Variants in TRIM37 observed in about 807,000 individuals in gnomAD.
TRIM37 encodes tripartite motif containing 37.
A neutral mutation model predicts 129.8 loss-of-function variants in TRIM37; 80 were observed. The ratio of observed to expected loss-of-function variants is 0.62; its 90% CI spans 0.51 to 0.74. TRIM37 has a LOEUF of 0.74. Among genes scored for constraint, TRIM37 ranks in the 30% least tolerant of loss-of-function variants. The pLI, the probability that TRIM37 is intolerant of heterozygous loss-of-function variation, is 0.00. For missense variants in TRIM37, 1,054 were observed against 1,176.5 expected (o/e 0.90, Z 1.52); for synonymous variants, 389 against 387.1 (o/e 1.00, Z -0.06).
At chr17:59,001,482 G>T in intron 23 of TRIM37, 116 bp downstream of exon 23, 4 of 1,247,046 alleles carry the variant, frequency 3.2e-6, no homozygotes, top group Non-Finnish European at 4.5e-6. Flanking sequence ...AGTAGAAGCA[G>T]AAGAAGCAAA....
chr17:59,001,159 C>T, intron 23 of TRIM37, among the ~76,000 whole-genome samples: 1 of 146,418 alleles, frequency 6.8e-6, no homozygotes, highest in Non-Finnish European at 1.5e-5. Context: ...CACGCCACAG[C>T]ACTCCATCCT....
chr17:59,018,018 C>T (rs1416305629), intron 19 of TRIM37, among the ~76,000 whole-genome samples: 6 of 152,026 alleles, frequency 3.9e-5, no homozygotes, highest in South Asian at 4.1e-4. Context: ...ATATATAACC[C>T]GTCAAACATT....
intron 10 of TRIM37, among the ~76,000 whole-genome samples, chr17:59,063,882 C>T (rs772504625): frequency 2.0e-5 from 3 of 152,162 alleles, no homozygotes; most frequent in African/African-American, 4.8e-5. Context: ...GGCAGGGCAC[C>T]GTGGCTAATG....
At chr17:58,973,064 C>A in the TRIM37 span, 1 of 591,408 alleles carries the variant, frequency 1.7e-6, no homozygotes, top group South Asian at 2.1e-5. Context: ...AATTGGATAA[C>A]GTCTCTTTTA....
chr17:59,073,281 T>C (rs2042537864), intron 8 of TRIM37: 1 of 152,188 alleles, frequency 6.6e-6, no homozygotes, highest in Admixed American at 6.5e-5. Flanking sequence ...CCTACATTTT[T>C]CAGTTAATAT....
intron 16 of TRIM37, among the ~76,000 whole-genome samples, chr17:59,047,163 GAA>G (rs776978529): frequency 7.3e-6 from 1 of 137,256 alleles, no homozygotes; most frequent in East Asian, 2.1e-4. Context: ...AAAAAAAAAG[GAA>G]AAAAAAAAAA....
intron 21 of TRIM37, among the ~76,000 whole-genome samples, chr17:59,014,782 A>G (rs1267833367): frequency 1.3e-5 from 2 of 151,874 alleles, no homozygotes; most frequent in Non-Finnish European, 2.9e-5. Flanking sequence ...CAGAGTTCAG[A>G]TAAGGTTACG....
exon 25 of TRIM37, chr17:58,982,851 A>T: frequency 6.0e-6 from 9 of 1,506,316 alleles, no homozygotes; most frequent in Non-Finnish European, 8.2e-6. Context: ...GTCCTCACTC[A>T]TATCTGTCAC....
intron 17 of TRIM37, among the ~76,000 whole-genome samples, chr17:59,036,250 A>C (rs1451421986): frequency 6.6e-6 from 1 of 152,144 alleles, no homozygotes; most frequent in Non-Finnish European, 1.5e-5. Context: ...TCTATAAAAA[A>C]TTAGTTGGGC....
intron 15 of TRIM37, 71 bp downstream of exon 15, chr17:59,049,107 A>T: frequency 4.9e-6 from 6 of 1,233,272 alleles, no homozygotes; most frequent in Non-Finnish European, 7.1e-6. Flanking sequence ...AGCACATAAT[A>T]TGTTAAAAGC....
Position 59,062,653 on chromosome 17 carries a change from C to A in TRIM37, c.861-5G>T. The A allele has an allele frequency of 6.2e-7, 1 of 1,613,588 alleles. No individual in the cohort carries two copies. Among genetic ancestry groups the A allele is most frequent in the Non-Finnish European group, 8.5e-7 (1 of 1,179,698 alleles). On this transcript the variant is annotated splice_region_variant and splice_polypyrimidine_tract_variant and intron_variant, in intron 10 of 23. Transcript: ENST00000262294. ...TCTGCTCTCTGACGCAAAGTGCTAA[C>A]GAAAAAGAAAACCAACCAAATCCCA...
Position 59,041,808 on chromosome 17 carries a change from A to G in TRIM37, c.1753+5T>C, listed in dbSNP as rs201166003. The G allele has an allele frequency of 6.2e-7, 1 of 1,611,858 alleles. No individual in the cohort carries two copies. Among genetic ancestry groups the G allele is most frequent in the Non-Finnish European group, 8.5e-7 (1 of 1,178,002 alleles). ...GGCTTGGAGGCAGTGGAGTGACCTCATTACCTGCGGGTCCTGCAGCAGCTG... is the reference window on the plus strand; with the variant it reads ...GGCTTGGAGGCAGTGGAGTGACCTCGTTACCTGCGGGTCCTGCAGCAGCTG... On this transcript the variant is annotated splice_donor_5th_base_variant and intron_variant, in intron 17 of 23. Transcript: ENST00000262294.
At chr17:58,979,774 T>C (rs2031254049), downstream of TRIM37, among the ~76,000 whole-genome samples, 1 of 152,198 alleles carries the variant, frequency 6.6e-6, no homozygotes, top group African/African-American at 2.4e-5. Flanking sequence ...AGCAATTATT[T>C]AACTGGGAGT....
downstream of TRIM37, among the ~76,000 whole-genome samples, chr17:58,997,546 T>C (rs1035603609): frequency 2.6e-5 from 4 of 151,998 alleles, no homozygotes; most frequent in African/African-American, 7.2e-5. Context: ...ATGACACAAG[T>C]AGTTAAAGTT....
At chr17:59,018,924 C>T (rs1160327593) in intron 19 of TRIM37, among the ~76,000 whole-genome samples, 1 of 152,014 alleles carries the variant, frequency 6.6e-6, no homozygotes, top group African/African-American at 2.4e-5. Context: ...AGAAACAAAC[C>T]CTTATATTTA....
intron 22 of TRIM37, among the ~76,000 whole-genome samples, chr17:59,002,820 A>T (rs1341101613): frequency 8.5e-5 from 13 of 152,142 alleles, no homozygotes; most frequent in Admixed American, 8.5e-4. Context: ...TGGGATAGAA[A>T]AATGAACCCC....
downstream of TRIM37, chr17:58,980,016 C>T: frequency 1.2e-6 from 2 of 1,614,086 alleles, no homozygotes; most frequent in Non-Finnish European, 1.7e-6. The surrounding 1 kb of genome is among the most constrained non-coding windows in gnomAD (Gnocchi z 4.7). Context: ...GATGCAGATT[C>T]TGCCTCCACT....
At chr17:58,973,933 C>G in the TRIM37 span, among the ~76,000 whole-genome samples, 1 of 119,064 alleles carries the variant, frequency 8.4e-6, no homozygotes, top group Non-Finnish European at 1.6e-5. Flanking sequence ...GGCTGGGCGA[C>G]AGAGCGAGAC....
intron 2 of TRIM37, among the ~76,000 whole-genome samples, chr17:59,101,335 G>C (rs2045449365): frequency 6.6e-6 from 1 of 152,042 alleles, no homozygotes; most frequent in Admixed American, 6.6e-5. Context: ...TATTAATATA[G>C]TAGCAGGACA....
Sources: allele counts gnomAD v4.1 joint callset (sites outside exome capture counted in the v4.1 genomes callset), GRCh38; gene constraint gnomAD v4.1.1; non-coding constraint Gnocchi (gnomAD v3.1); transcripts MANE v1.5; gene names NCBI Gene and HGNC (gene_info 2026-07-23, HGNC 2026-07-21).